Variants in LIN28B observed in about 807,000 individuals in gnomAD.
The protein encoded by LIN28B is protein lin-28 homolog B.
Under a neutral mutation model 21.9 loss-of-function variants are expected in LIN28B, and 5 were observed. The ratio of observed to expected loss-of-function variants is 0.23; its 90% CI spans 0.12 to 0.48. LIN28B has a LOEUF of 0.48. LIN28B is among the 20% of genes least tolerant of loss of function. LIN28B has a pLI of 0.98. For synonymous variants in LIN28B, 109 were observed against 111.3 expected, an observed-to-expected ratio of 0.98 and a Z score of 0.13; for missense variants, 245 against 310.5, an observed-to-expected ratio of 0.79 and a Z score of 1.58.
At chr6:105,057,595 TTC>T (rs1187395131) in intron 3 of LIN28B, among the ~76,000 whole-genome samples, 4 of 152,236 alleles carry the variant, frequency 2.6e-5, no homozygotes, top group African/African-American at 9.6e-5. Context: ...CTTCTTTCAT[TTC>T]TTTTACTTGT....
intron 3 of LIN28B, among the ~76,000 whole-genome samples, chr6:105,063,686 A>G (rs990340153): frequency 1.8e-4 from 27 of 150,134 alleles, no homozygotes; most frequent in Non-Finnish European, 3.5e-4. Flanking sequence ...AACAGCGATG[A>G]TTTCTCTATT....
upstream of LIN28B, among the ~76,000 whole-genome samples, chr6:104,953,502 TTTTG>T (rs1490530773): frequency 1.2e-4 from 18 of 152,252 alleles, no homozygotes; most frequent in African/African-American, 3.9e-4. Flanking sequence ...CAGGGATTTC[TTTTG>T]TTTGGTGTTC....
At chr6:105,053,382 G>GT (rs1554190397) in intron 3 of LIN28B, among the ~76,000 whole-genome samples, 7 of 146,552 alleles carry the variant, frequency 4.8e-5, no homozygotes, top group Non-Finnish European at 9.0e-5. Context: ...TATGTCTTAT[G>GT]GTGTGTGTGT....
At position 105,026,336 on chromosome 6, in the gene LIN28B, A is replaced by G. The variant is rs150923356; in HGVS notation, c.237A>G (p.Glu79=). 151 of 1,611,598 alleles carry G rather than the reference A, an allele frequency of 9.4e-5. No individual in the cohort carries two copies. The highest frequency in any genetic ancestry group is 1.2e-4 in the Non-Finnish European group (141 of 1,178,908). ...LFMEGFRSLK[E]GEPVEFTFKK... ...TGGAAGGATTTAGAAGCCTAAAAGA[A>G]GGAGAACCAGTGGAATTCACATTTA... Residue 79 remains glutamate (E), a synonymous_variant, in exon 3 of 4, where the codon GAA becomes GAG. Transcript: ENST00000345080.
chr6:105,068,438 T>C (rs533152862), intron 3 of LIN28B, among the ~76,000 whole-genome samples: 1 of 152,354 alleles, frequency 6.6e-6, no homozygotes, highest in South Asian at 2.1e-4. Context: ...CAGTAGTTGA[T>C]AATTTTTTTT....
intron 1 of LIN28B, among the ~76,000 whole-genome samples, chr6:104,957,665 C>T (rs1471690784): frequency 6.6e-6 from 1 of 152,076 alleles, no homozygotes; most frequent in African/African-American, 2.4e-5. Flanking sequence ...CCCCATGTGC[C>T]TTAACTAGTA....
intron 3 of LIN28B, among the ~76,000 whole-genome samples, chr6:105,029,303 A>G (rs988733271): frequency 6.6e-6 from 1 of 152,220 alleles, no homozygotes; most frequent in African/African-American, 2.4e-5. Flanking sequence ...GGTCTAGTGC[A>G]AAGGAAAGAT....
At chr6:105,054,831 TTGAACC>T (rs1771989888) in intron 3 of LIN28B, among the ~76,000 whole-genome samples, 1 of 150,998 alleles carries the variant, frequency 6.6e-6, no homozygotes, top group Non-Finnish European at 1.5e-5. Flanking sequence ...TACATTTTTC[TTGAACC>T]TGAACAACTT....
intron 2 of LIN28B, among the ~76,000 whole-genome samples, chr6:104,967,321 T>G (rs1421846223): frequency 7.6e-6 from 1 of 131,354 alleles, no homozygotes; most frequent in Non-Finnish European, 1.7e-5. Flanking sequence ...GGCTCATGCC[T>G]GTAATCCCAG....
chr6:105,053,729 G>T (rs1481143932), intron 3 of LIN28B, among the ~76,000 whole-genome samples: 1 of 151,844 alleles, frequency 6.6e-6, no homozygotes, highest in East Asian at 1.9e-4. Context: ...GTGTGTGTGT[G>T]TGTGTGTGTG....
chr6:105,020,410 A>G (rs1175460728), intron 2 of LIN28B, among the ~76,000 whole-genome samples: 1 of 151,654 alleles, frequency 6.6e-6, no homozygotes, highest in African/African-American at 2.4e-5. Context: ...CATGAAGTGC[A>G]GTATTGAGAC....
chr6:105,002,398 G>A (rs947872948), intron 2 of LIN28B, among the ~76,000 whole-genome samples: 2 of 152,026 alleles, frequency 1.3e-5, no homozygotes, highest in African/African-American at 4.8e-5. Context: ...GGGTAGAGAT[G>A]GAATCTATTT....
chr6:104,940,041 A>T (rs1286916661), intron 2 of LIN28B: 3 of 155,336 alleles, frequency 1.9e-5, no homozygotes, highest in Non-Finnish European at 2.9e-5. Flanking sequence ...TTGAGTGATG[A>T]TGATTAAGTT....
At chr6:104,993,122 T>C (rs953386443) in intron 2 of LIN28B, among the ~76,000 whole-genome samples, 1 of 152,208 alleles carries the variant, frequency 6.6e-6, no homozygotes, top group African/African-American at 2.4e-5. Flanking sequence ...AAATATTTTC[T>C]TTAACATTTA....
chr6:104,990,768 A>C (rs1030899713), intron 2 of LIN28B, among the ~76,000 whole-genome samples: 2 of 152,020 alleles, frequency 1.3e-5, no homozygotes, highest in Non-Finnish European at 2.9e-5. Flanking sequence ...ATGACTCTTA[A>C]CGAGCATGCT....
intron 3 of LIN28B, among the ~76,000 whole-genome samples, chr6:105,060,888 A>G (rs1247463217): frequency 6.6e-6 from 1 of 152,222 alleles, no homozygotes; most frequent in African/African-American, 2.4e-5. Flanking sequence ...GAGTGATCAG[A>G]GTAAAGAAAG....
chr6:104,949,468 T>C (rs1778194057), intron 2 of LIN28B, among the ~76,000 whole-genome samples: 1 of 152,194 alleles, frequency 6.6e-6, no homozygotes, highest in Non-Finnish European at 1.5e-5. Flanking sequence ...GAACCTTGGG[T>C]CAACATTCAG....
At chr6:104,975,051 G>A (rs575874528) in intron 2 of LIN28B, among the ~76,000 whole-genome samples, 2 of 152,060 alleles carry the variant, frequency 1.3e-5, no homozygotes, top group East Asian at 1.9e-4. Flanking sequence ...AACTCCTGAC[G>A]TCAGGTGATC....
chr6:105,070,304 G>A (rs1562114017), intron 3 of LIN28B, among the ~76,000 whole-genome samples: 1 of 152,170 alleles, frequency 6.6e-6, no homozygotes, highest in Non-Finnish European at 1.5e-5. Flanking sequence ...CAGGCTCACT[G>A]TCAGATGACT....
Sources: allele counts gnomAD v4.1 joint callset (sites outside exome capture counted in the v4.1 genomes callset), GRCh38; gene constraint gnomAD v4.1.1; transcripts MANE v1.5; gene names NCBI Gene and HGNC (gene_info 2026-07-23, HGNC 2026-07-21).